FRMD5: variants seen among roughly 807,000 people sequenced by gnomAD.
The protein encoded by FRMD5 is FERM domain-containing protein 5.
Under a neutral mutation model 69.0 loss-of-function variants are expected in FRMD5, and 20 were observed. The observed-to-expected ratio is 0.29, with a 90% CI of 0.20 to 0.42. The LOEUF (loss-of-function observed/expected upper bound fraction) is 0.42. FRMD5 is among the 10% of genes least tolerant of loss of function. The pLI is 1.00. For missense variants in FRMD5, 595 were observed against 708.6 expected (o/e 0.84, Z 1.82); for synonymous variants, 271 against 260.1 (o/e 1.04, Z -0.40).
intron 1 of FRMD5, among the ~76,000 whole-genome samples, chr15:44,129,510 C>T (rs2077069211): frequency 1.3e-5 from 2 of 152,046 alleles, no homozygotes; most frequent in Non-Finnish European, 2.9e-5. Context: ...TCATCTATAT[C>T]TCAGAGGCAC....
At chr15:44,084,641 G>A (rs1370312442) in intron 1 of FRMD5, among the ~76,000 whole-genome samples, 1 of 152,066 alleles carries the variant, frequency 6.6e-6, no homozygotes, top group Non-Finnish European at 1.5e-5. Context: ...GGAGGAAGCT[G>A]TCACATTCTT....
chr15:44,030,425 T>C (rs1891629727), intron 1 of FRMD5, among the ~76,000 whole-genome samples: 1 of 152,146 alleles, frequency 6.6e-6, no homozygotes, highest in South Asian at 2.1e-4. Context: ...CAACTGAAAA[T>C]ACTTAGTGTT....
intron 1 of FRMD5, among the ~76,000 whole-genome samples, chr15:44,146,471 C>CT (rs1343439559): frequency 6.6e-6 from 1 of 152,072 alleles, no homozygotes; most frequent in Non-Finnish European, 1.5e-5. Flanking sequence ...GTGCATGTAT[C>CT]TTTATAACAG....
At chr15:43,940,494 C>G (rs974732601) in intron 1 of FRMD5, among the ~76,000 whole-genome samples, 2 of 152,098 alleles carry the variant, frequency 1.3e-5, no homozygotes, top group Non-Finnish European at 2.9e-5. Flanking sequence ...GTACAAGGTA[C>G]AGGGGTAGTT....
At chr15:44,043,506 G>A (rs1239236713) in intron 1 of FRMD5, among the ~76,000 whole-genome samples, 14 of 152,054 alleles carry the variant, frequency 9.2e-5, no homozygotes, top group Non-Finnish European at 1.5e-4. Context: ...GAGGCATCAC[G>A]CTACCTGACT....
chr15:44,093,701 T>A (rs966836221), intron 1 of FRMD5, among the ~76,000 whole-genome samples: 1 of 151,582 alleles, frequency 6.6e-6, no homozygotes, highest in Admixed American at 6.6e-5. Context: ...GCCTCCAGAG[T>A]AGCTGGGACT....
intron 1 of FRMD5, among the ~76,000 whole-genome samples, chr15:44,135,750 G>A (rs971416242): frequency 4.7e-5 from 7 of 150,368 alleles, no homozygotes; most frequent in Middle Eastern, 3.4e-3. Flanking sequence ...GCTTGAATCC[G>A]GAAGGTAGAG....
intron 1 of FRMD5, among the ~76,000 whole-genome samples, chr15:44,134,041 A>G (rs1448942240): frequency 2.0e-5 from 3 of 152,214 alleles, no homozygotes; most frequent in African/African-American, 7.2e-5. Context: ...TGAAGCACCC[A>G]AACTTTAAAA....
chr15:43,916,955 T>G (rs2089400524), intron 4 of FRMD5, among the ~76,000 whole-genome samples: 1 of 151,986 alleles, frequency 6.6e-6, no homozygotes, highest in Non-Finnish European at 1.5e-5. Flanking sequence ...ATATTTTGTC[T>G]TTTTAGTAGA....
At chr15:43,884,074 T>TG (rs1215887983) in intron 12 of FRMD5, among the ~76,000 whole-genome samples, 1 of 151,962 alleles carries the variant, frequency 6.6e-6, no homozygotes, top group East Asian at 1.9e-4. Context: ...GTCTCTGGGG[T>TG]GGGGGCAAGA....
At chr15:44,182,963 AT>A (rs550086770) in intron 1 of FRMD5, among the ~76,000 whole-genome samples, 586 of 142,138 alleles carry the variant, frequency 4.1e-3, no homozygotes, top group Middle Eastern at 7.6e-3. Context: ...GCCAGGCTAA[AT>A]TTTTTTTTTT....
intron 1 of FRMD5, among the ~76,000 whole-genome samples, chr15:44,190,642 C>T (rs1363156802): frequency 2.0e-5 from 3 of 152,198 alleles, no homozygotes; most frequent in African/African-American, 7.2e-5. Context: ...ACCACACTAA[C>T]ATACTGTACT....
chr15:43,889,312 G>C (rs1207832096), intron 8 of FRMD5, among the ~76,000 whole-genome samples: 2 of 152,202 alleles, frequency 1.3e-5, no homozygotes, highest in Non-Finnish European at 1.5e-5. Flanking sequence ...ACCAGGTTCT[G>C]AGGGAGTTGA....
chr15:43,938,592 T>C (rs1215338262), intron 1 of FRMD5, among the ~76,000 whole-genome samples: 2 of 152,246 alleles, frequency 1.3e-5, no homozygotes, highest in Admixed American at 6.5e-5. Context: ...ATACAGCCCA[T>C]TGCTTGAATT....
intron 6 of FRMD5, among the ~76,000 whole-genome samples, chr15:43,903,618 G>A (rs907490323): frequency 2.6e-5 from 4 of 152,212 alleles, no homozygotes; most frequent in African/African-American, 9.6e-5. Context: ...TAGTGTACCT[G>A]AGGCACAGGG....
chr15:44,111,228 T>C (rs895545513), intron 1 of FRMD5, among the ~76,000 whole-genome samples: 9 of 152,340 alleles, frequency 5.9e-5, no homozygotes, highest in African/African-American at 2.2e-4. Flanking sequence ...TGGCCTTCCA[T>C]CTGCAACAGG....
At chr15:43,928,728 T>C (rs1280558635) in intron 1 of FRMD5, among the ~76,000 whole-genome samples, 3 of 152,242 alleles carry the variant, frequency 2.0e-5, no homozygotes, top group Non-Finnish European at 4.4e-5. Context: ...TCCCTTCCCT[T>C]TGCCTGCAGG....
intron 1 of FRMD5, among the ~76,000 whole-genome samples, chr15:44,187,305 T>G (rs1173176336): frequency 6.6e-6 from 1 of 152,200 alleles, no homozygotes; most frequent in Non-Finnish European, 1.5e-5. Context: ...AGAATTAGAT[T>G]TAATTCAACA....
intron 1 of FRMD5, among the ~76,000 whole-genome samples, chr15:43,931,397 T>A (rs985826253): frequency 6.6e-6 from 1 of 152,020 alleles, no homozygotes; most frequent in Admixed American, 6.6e-5. Context: ...CTCTCTTCTC[T>A]TTCTCTCTCA....
Sources: gnomAD v4.1 joint callset for allele counts (sites outside exome capture counted in the v4.1 genomes callset) on GRCh38, gnomAD v4.1.1 for gene constraint, MANE v1.5 for transcripts, NCBI Gene and HGNC (gene_info 2026-07-23, HGNC 2026-07-21) for gene names.